The following LDB3 variants were observed in gnomAD, a reference collection of about 807,000 sequenced individuals.
LDB3 encodes LIM domain-binding protein 3.
LDB3 carries 49 observed loss-of-function variants against 69.0 expected under a neutral mutation model. The observed-to-expected ratio is 0.71, with a 90% CI of 0.56 to 0.90. The LOEUF (loss-of-function observed/expected upper bound fraction) is 0.90. Among genes scored for constraint, LDB3 ranks in the 40% least tolerant of loss-of-function variants. LDB3 has a pLI of 0.00. For synonymous variants in LDB3, 387 were observed against 396.2 expected (o/e 0.98, Z 0.28); for missense variants, 928 against 974.1 (o/e 0.95, Z 0.63).
chr10:86,685,515 G>A (rs964645843), intron 5 of LDB3, among the ~76,000 whole-genome samples: 2 of 152,134 alleles, frequency 1.3e-5, no homozygotes, highest in South Asian at 4.1e-4. Flanking sequence ...TGTGATTCCC[G>A]GCTCTGAGTT....
At chr10:86,688,870 A>T (rs1313067802) in intron 5 of LDB3, among the ~76,000 whole-genome samples, 1 of 152,190 alleles carries the variant, frequency 6.6e-6, no homozygotes, top group Non-Finnish European at 1.5e-5. Flanking sequence ...GGCACCCATC[A>T]GTTTTGGAAT....
At chr10:86,704,970 T>C (rs1846392174) in intron 7 of LDB3, among the ~76,000 whole-genome samples, 1 of 147,276 alleles carries the variant, frequency 6.8e-6, no homozygotes, top group African/African-American at 2.5e-5. Context: ...CCTGCCTCAG[T>C]CTCCCAAAGT....
At chr10:86,671,686 G>A (rs1001393064) in intron 2 of LDB3, among the ~76,000 whole-genome samples, 20 of 152,192 alleles carry the variant, frequency 1.3e-4, no homozygotes, top group African/African-American at 4.8e-4. Context: ...GTGGTCTGGG[G>A]TCTCACCTCT....
In LDB3 at chr10:86,734,415, C is replaced by T. The variant is rs1400461285; in HGVS notation, c.*1439C>T. The T allele has an allele frequency of 6.6e-6, 1 of 152,168 alleles. No homozygotes were observed. Among genetic ancestry groups the T allele is most frequent in the Non-Finnish European group, 1.5e-5 (1 of 68,022 alleles). 9.4% of individuals were successfully genotyped at this position (152,168 alleles called of 1,614,324 possible). A position where few individuals can be genotyped will look rare whatever the true frequency, so the allele number is the denominator to read the frequency against. ...CTTTTTAGGAAGCCCTGTTAATATG[C>T]TCATTGAAAACATGGCATTGAAGCA... On this transcript the variant is annotated 3_prime_UTR_variant, in exon 14 of 14. Coordinates refer to ENST00000361373, the MANE Select transcript of LDB3 (RefSeq NM_007078.3).
At chr10:86,719,152 C>T (rs1224079702) in intron 12 of LDB3, among the ~76,000 whole-genome samples, 1 of 152,134 alleles carries the variant, frequency 6.6e-6, no homozygotes, top group Non-Finnish European at 1.5e-5. Context: ...AATCCCAGCA[C>T]TTTGGGAGGC....
At chr10:86,716,910 G>A (rs1051432875) in intron 10 of LDB3, 139 bp downstream of exon 10, 26 of 914,438 alleles carry the variant, frequency 2.8e-5, no homozygotes, top group African/African-American at 2.0e-4. Context: ...CTTCTGGCTT[G>A]CCATCTGGTC....
At chr10:86,689,655 C>A (rs1045136293) in intron 5 of LDB3, among the ~76,000 whole-genome samples, 9 of 152,178 alleles carry the variant, frequency 5.9e-5, no homozygotes, top group African/African-American at 1.2e-4. Context: ...TTATTCAGGG[C>A]TAGAAGGTGA....
At chr10:86,719,139 C>A (rs1220766557) in intron 12 of LDB3, among the ~76,000 whole-genome samples, 1 of 152,066 alleles carries the variant, frequency 6.6e-6, no homozygotes, top group Non-Finnish European at 1.5e-5. Flanking sequence ...TGGCTCACAC[C>A]TTAATCCCAG....
chr10:86,680,206 G>T (rs1402549839), intron 4 of LDB3, 49 bp downstream of exon 4: 2 of 1,558,684 alleles, frequency 1.3e-6, no homozygotes, highest in South Asian at 1.1e-5. Context: ...GGTTCCTGGA[G>T]TGCTGGCCCT....
intron 9 of LDB3, among the ~76,000 whole-genome samples, chr10:86,713,190 G>A (rs960638377): frequency 6.6e-6 from 1 of 152,114 alleles, no homozygotes; most frequent in African/African-American, 2.4e-5. Context: ...CATTTCAGCT[G>A]CTCATCGGCC....
chr10:86,707,755 C>T (rs1170136869), intron 8 of LDB3, among the ~76,000 whole-genome samples: 1 of 152,176 alleles, frequency 6.6e-6, no homozygotes, highest in Non-Finnish European at 1.5e-5. Flanking sequence ...TCTGCTGCCC[C>T]CATCCCGGGC....
intron 7 of LDB3, chr10:86,700,056 C>G (rs908763620): frequency 2.0e-6 from 2 of 986,560 alleles, no homozygotes; most frequent in South Asian, 4.7e-5. Context: ...CCACACCAAG[C>G]CCCAGTCATG....
At chr10:86,725,606 C>A (rs1020734535) in intron 12 of LDB3, among the ~76,000 whole-genome samples, 6 of 152,076 alleles carry the variant, frequency 3.9e-5, no homozygotes, top group Admixed American at 3.9e-4. Context: ...GCATTATCTC[C>A]TTGGTTGGGG....
chr10:86,730,696 T>G (rs1044913392), intron 13 of LDB3, among the ~76,000 whole-genome samples: 5 of 152,196 alleles, frequency 3.3e-5, no homozygotes, highest in African/African-American at 1.2e-4. Flanking sequence ...GAGAAAGGCT[T>G]ACCTACCTTA....
chr10:86,675,583 G>A (rs937197030), intron 2 of LDB3, among the ~76,000 whole-genome samples: 4 of 152,228 alleles, frequency 2.6e-5, no homozygotes, highest in African/African-American at 9.6e-5. Flanking sequence ...TTGCTGTGGG[G>A]GTGTCCTGCT....
chr10:86,728,587 T>TG (rs1157419758), intron 13 of LDB3, among the ~76,000 whole-genome samples: 1 of 76,146 alleles, frequency 1.3e-5, no homozygotes, highest in African/African-American at 4.6e-5. Context: ...GGTTCTTTTG[T>TG]TTTTTTTTTT....
chr10:86,682,125 C>G (rs1330084492), intron 5 of LDB3, among the ~76,000 whole-genome samples: 6 of 152,208 alleles, frequency 3.9e-5, no homozygotes, highest in Non-Finnish European at 8.8e-5. Context: ...ACTTCCAACA[C>G]TTTTTCACTA....
Position 86,709,992 on chromosome 10 carries a change from T to C in LDB3, c.1173T>C (p.Pro391=). 1.2e-6 allele frequency: 2 copies of C among 1,613,222 alleles called. No homozygotes were observed. The highest frequency in any genetic ancestry group is 1.7e-6 in the Non-Finnish European group (2 of 1,180,010). ...GCTACAGTGAGGGCCCCGCCGCCCC[T>C]GCACCCAAGCCCCGGGTTGTCACCA... is the stretch of plus-strand genomic sequence containing the variant. ...HTSYSEGPAA[P]APKPRVVTTA... Residue 391 remains proline (P), a synonymous_variant, in exon 9 of 14, where the codon CCT becomes CCC. Coordinates refer to ENST00000361373, the MANE Select transcript of LDB3 (RefSeq NM_007078.3).
chr10:86,691,934 C>T lies in LDB3; in HGVS notation c.728C>T (p.Ser243Phe), dbSNP rs1386740941. The T allele has an allele frequency of 6.2e-7, 1 of 1,614,068 alleles. No homozygotes were observed. Among genetic ancestry groups the T allele is most frequent in the Admixed American group, 1.7e-5 (1 of 60,006 alleles). ...PIKDLAVDSASPVYQAVIKSQ... is the reference protein window; with the variant it reads ...PIKDLAVDSAFPVYQAVIKSQ... ...AAGGACCTTGCCGTAGACAGCGCCT[C>T]TCCCGTCTACCAGGCTGTGATTAAG... Residue 243 changes from serine (S) to phenylalanine (F), a missense_variant, in exon 6 of 14, where the codon TCT becomes TTT. Coordinates refer to ENST00000361373, the MANE Select transcript of LDB3 (RefSeq NM_007078.3).
Sources: allele counts gnomAD v4.1 joint callset (sites outside exome capture counted in the v4.1 genomes callset), GRCh38; gene constraint gnomAD v4.1.1; transcripts MANE v1.5; gene names NCBI Gene and HGNC (gene_info 2026-07-23, HGNC 2026-07-21).